Variants in NAV2 observed in about 807,000 individuals in gnomAD.
NAV2 encodes helicase, APC down-regulated 1.
In NAV2, 54 loss-of-function variants were observed where a neutral mutation model predicts 223.2. The observed-to-expected ratio is 0.24, with a 90% CI of 0.19 to 0.30. The LOEUF (loss-of-function observed/expected upper bound fraction) is 0.30, where lower values mean the gene tolerates loss of function less well. Among genes scored for constraint, NAV2 ranks in the 10% least tolerant of loss-of-function variants. The pLI, the probability that NAV2 is intolerant of heterozygous loss-of-function variation, is 1.00. For missense variants in NAV2, 2,806 were observed against 3,147.5 expected (o/e 0.89, Z 2.60); for synonymous variants, 1,279 against 1,239.3 (o/e 1.03, Z -0.67).
chr11:19,830,433 G>A (rs2152895690), intron 1 of NAV2, among the ~76,000 whole-genome samples: 1 of 152,306 alleles, frequency 6.6e-6, no homozygotes, highest in African/African-American at 2.4e-5. Flanking sequence ...CCACTTATTT[G>A]TGACCTTGGA....
At chr11:19,623,745 G>T (rs1334612221) in intron 1 of NAV2, among the ~76,000 whole-genome samples, 1 of 152,164 alleles carries the variant, frequency 6.6e-6, no homozygotes, top group Non-Finnish European at 1.5e-5. Context: ...TTGATTGTCT[G>T]AAACCTTCTT....
Position 19,713,456 on chromosome 11 carries a change from C to T in NAV2, c.-240C>T. 2.3e-6 allele frequency: 3 copies of T among 1,277,608 alleles called. No individual in the cohort carries two copies. The highest frequency in any genetic ancestry group is 1.5e-5 in the African/African-American group (1 of 64,890). The allele number at this position is 1,277,608 out of a possible 1,614,324, so 79.1% of individuals were successfully genotyped here. The stretch of plus-strand genomic sequence containing the variant: ...AGGTGTGAGACCCGGCGGCAGCATC[C>T]GTCCAGGTGGGACCCGCTGAGCGCC... On this transcript the variant is annotated 5_prime_UTR_variant, in exon 1 of 38. Coordinates refer to ENST00000349880, the MANE Select transcript of NAV2 (RefSeq NM_145117.5). The surrounding 1 kb of genome is among the most constrained non-coding windows in gnomAD (Gnocchi z 7.2).
chr11:20,041,464 AGTT>A (rs1327127296), intron 12 of NAV2, among the ~76,000 whole-genome samples: 1 of 152,214 alleles, frequency 6.6e-6, no homozygotes, highest in Non-Finnish European at 1.5e-5. Flanking sequence ...AATAAATTGT[AGTT>A]GTTATGCTAC....
intron 1 of NAV2, among the ~76,000 whole-genome samples, chr11:19,640,385 A>G (rs913575412): frequency 1.3e-5 from 2 of 151,954 alleles, no homozygotes; most frequent in East Asian, 1.9e-4. Context: ...AAATATATGT[A>G]TGCACACAAA....
chr11:19,402,495 C>A (rs1287658503), intron 1 of NAV2, among the ~76,000 whole-genome samples: 1 of 152,194 alleles, frequency 6.6e-6, no homozygotes, highest in East Asian at 1.9e-4. Context: ...ATTTCCTTCA[C>A]AGTCTGTATT....
chr11:19,853,607 T>A (rs1052513036), intron 3 of NAV2, among the ~76,000 whole-genome samples: 33 of 152,208 alleles, frequency 2.2e-4, no homozygotes, highest in African/African-American at 7.5e-4. Context: ...AAGTCAAAAG[T>A]TTGGGCATTC....
In NAV2 at chr11:19,827,239, CAT is replaced by C. The variant is rs1341838393; in HGVS notation, c.268-5243_268-5242del. On this transcript the variant is annotated intron_variant, in intron 1 of 37. Coordinates refer to ENST00000349880, the MANE Select transcript of NAV2 (RefSeq NM_145117.5). ...GTATCATTTCATTTGGTCCTTATAA[CAT>C]AGACTGGCAGACTTTCTGTGAAGAG... is the stretch of plus-strand genomic sequence containing the variant. 1.5e-4 allele frequency among the ~76,000 whole-genome samples: 23 copies of C among 152,246 alleles called. No homozygotes were observed. The South Asian group carries it at 2.3e-3, about 15-fold the overall frequency.
At chr11:19,884,696 G>A (rs898126420) in intron 5 of NAV2, among the ~76,000 whole-genome samples, 1 of 152,166 alleles carries the variant, frequency 6.6e-6, no homozygotes, top group Non-Finnish European at 1.5e-5. Context: ...AGTTTTTATA[G>A]TGGTTTTATG....
At chr11:19,961,755 G>A (rs1444354516) in intron 10 of NAV2, among the ~76,000 whole-genome samples, 1 of 152,180 alleles carries the variant, frequency 6.6e-6, no homozygotes, top group Non-Finnish European at 1.5e-5. Context: ...GGCACAGGTA[G>A]CATGGTGGCT....
intron 1 of NAV2, among the ~76,000 whole-genome samples, chr11:19,445,751 AT>A (rs11312196): frequency 0.59 from 79,743 of 134,908 alleles, 23,293 homozygotes; most frequent in Admixed American, 0.62. Flanking sequence ...TGGGCCTCTG[AT>A]TTTTTTTTTT....
intron 37 of NAV2, among the ~76,000 whole-genome samples, chr11:20,116,170 C>T (rs985041800): frequency 1.6e-4 from 25 of 151,950 alleles, no homozygotes; most frequent in African/African-American, 5.8e-4. Flanking sequence ...ATTTACATTA[C>T]CTAATGAAAG....
chr11:20,049,687 C>G lies in NAV2; in HGVS notation c.4371-149C>G, dbSNP rs2057783002. The G allele has an allele frequency of 6.8e-6, 5 of 737,558 alleles. No homozygotes were observed. In the East Asian group the frequency reaches 1.3e-4, roughly 19 times the overall value. The allele number at this position is 737,558 out of a possible 1,614,324, so 45.7% of individuals were successfully genotyped here. A position where few individuals can be genotyped will look rare whatever the true frequency, so the allele number is the denominator to read the frequency against. On this transcript the variant is annotated intron_variant, in intron 15 of 37. Transcript: ENST00000349880. The stretch of plus-strand genomic sequence containing the variant: ...AGTGTTCTCAGAGCCCTGGATTTCT[C>G]TGCAGCAGGGATAAATGTGTCCAGT...
At chr11:19,710,109 G>A (rs2049819450), upstream of NAV2, among the ~76,000 whole-genome samples, 1 of 152,110 alleles carries the variant, frequency 6.6e-6, no homozygotes, top group Admixed American at 6.6e-5. Flanking sequence ...ATTTAAACAG[G>A]AAACCAAAGA....
At chr11:19,405,871 T>G (rs1849872610) in intron 1 of NAV2, among the ~76,000 whole-genome samples, 1 of 152,178 alleles carries the variant, frequency 6.6e-6, no homozygotes, top group Admixed American at 6.5e-5. Context: ...AAAAGAGCCC[T>G]GTAAAAATGC....
chr11:20,043,980 G>A lies in NAV2; in HGVS notation c.2908-1G>A. 6.2e-7 allele frequency: 1 copy of A among 1,613,138 alleles called. No individual in the cohort carries two copies. Among genetic ancestry groups the A allele is most frequent in the South Asian group, 1.1e-5 (1 of 91,064 alleles). The stretch of plus-strand genomic sequence containing the variant: ...CTAATTCAGAGAGTCTCTGTCCACA[G>A]ACTGATGCTGAGAAGCACTCACAGG... On this transcript the variant is annotated splice_acceptor_variant, in intron 12 of 37. Coordinates refer to ENST00000349880, the MANE Select transcript of NAV2 (RefSeq NM_145117.5). LOFTEE classifies it high-confidence loss of function.
intron 11 of NAV2, among the ~76,000 whole-genome samples, chr11:20,031,746 G>GTC (rs1055446894): frequency 2.0e-5 from 3 of 152,066 alleles, no homozygotes; most frequent in African/African-American, 7.2e-5. Context: ...GTGTGTGTGT[G>GTC]TGTGTGTGTG....
intron 1 of NAV2, among the ~76,000 whole-genome samples, chr11:19,804,514 G>A (rs975377192): frequency 2.6e-5 from 4 of 152,212 alleles, no homozygotes; most frequent in Admixed American, 6.5e-5. Context: ...GGAGCATTCT[G>A]TTAATCAGCA....
At chr11:19,958,636 A>G (rs1471702783) in intron 10 of NAV2, among the ~76,000 whole-genome samples, 1 of 152,020 alleles carries the variant, frequency 6.6e-6, no homozygotes, top group Non-Finnish European at 1.5e-5. Flanking sequence ...CATGGTGTGT[A>G]CTCTCAGCCC....
At chr11:20,059,076 GTTTT>G (rs916920201) in intron 19 of NAV2, among the ~76,000 whole-genome samples, 1 of 145,508 alleles carries the variant, frequency 6.9e-6, no homozygotes, top group African/African-American at 2.5e-5. Flanking sequence ...ACTCAGTTGG[GTTTT>G]TTTTTTTTAA....
Sources: allele counts gnomAD v4.1 joint callset (sites outside exome capture counted in the v4.1 genomes callset), GRCh38; gene constraint gnomAD v4.1.1; non-coding constraint Gnocchi (gnomAD v3.1); transcripts MANE v1.5; gene names NCBI Gene and HGNC (gene_info 2026-07-23, HGNC 2026-07-21).